NETO1: variants seen among roughly 807,000 people sequenced by gnomAD.
NETO1 encodes the protein neuropilin and tolloid like 1, also known as neuropilin and tolloid-like protein 1.
A neutral mutation model predicts 61.3 loss-of-function variants in NETO1; 26 were observed. The observed-to-expected ratio is 0.42, with a 90% CI of 0.31 to 0.59. The LOEUF (loss-of-function observed/expected upper bound fraction) is 0.59. Among genes scored for constraint, NETO1 ranks in the 20% least tolerant of loss-of-function variants. The probability of loss-of-function intolerance (pLI) is 0.12; values close to 1 mark genes in which losing one functional copy is unlikely to be tolerated. For synonymous variants in NETO1, 225 were observed against 225.8 expected (o/e 1.00, Z 0.03); for missense variants, 531 against 662.8 (o/e 0.80, Z 2.18).
chr18:72,809,262 A>G (rs2072782572), intron 4 of NETO1, among the ~76,000 whole-genome samples: 1 of 152,220 alleles, frequency 6.6e-6, no homozygotes, highest in Non-Finnish European at 1.5e-5. Context: ...AGCTTTTGTA[A>G]TGATATTATG....
intron 6 of NETO1, among the ~76,000 whole-genome samples, chr18:72,793,130 G>A (rs2072185338): frequency 1.3e-5 from 2 of 152,144 alleles, no homozygotes; most frequent in African/African-American, 4.8e-5. Flanking sequence ...CTGCTTTTTC[G>A]TGTAGCTGGC....
At position 72,747,169 on chromosome 18, in the gene NETO1, T is replaced by C. The variant is rs761690488; in HGVS notation, c.*1010A>G. 19 of 152,030 alleles carry C rather than the reference T, an allele frequency of 1.2e-4. No individual in the cohort carries two copies. Among genetic ancestry groups the C allele is most frequent in the African/African-American group, 2.2e-4 (9 of 41,444 alleles). 9.4% of individuals were successfully genotyped at this position (152,030 alleles called of 1,614,324 possible). ...AGAGTTGACATAAAATGTGTATTTA[T>C]GTGAGTCAGTTTTTTAATCACTCTA... is the stretch of plus-strand genomic sequence containing the variant. On this transcript the variant is annotated 3_prime_UTR_variant, in exon 11 of 11. Coordinates refer to ENST00000327305, the MANE Select transcript of NETO1 (RefSeq NM_138966.5).
At chr18:72,753,369 C>A (rs1341310726) in intron 8 of NETO1, among the ~76,000 whole-genome samples, 1 of 151,930 alleles carries the variant, frequency 6.6e-6, no homozygotes, top group Non-Finnish European at 1.5e-5. Flanking sequence ...GTGCTGCAAG[C>A]AAAAGCAATA....
At position 72,830,483 on chromosome 18, in the gene NETO1, A is replaced by C. The variant is rs951223240; in HGVS notation, c.469+28343T>G. ...CATCTAAACAAGGAGTCCAAAAAAC[A>C]AACACAAATGACAAAAATAACAATG... On this transcript the variant is annotated intron_variant, in intron 4 of 10. Coordinates refer to ENST00000327305, the MANE Select transcript of NETO1 (RefSeq NM_138966.5). This position sits in a 1 kb window ranked among gnomAD's most constrained non-coding sequence, Gnocchi z 4.9. Among the ~76,000 whole-genome samples, 6 of 152,180 alleles carry C rather than the reference A, an allele frequency of 3.9e-5. No homozygotes were observed. The highest frequency in any genetic ancestry group is 1.2e-4 in the African/African-American group (5 of 41,448).
chr18:72,774,645 C>T (rs2071484448), intron 7 of NETO1, among the ~76,000 whole-genome samples: 1 of 152,120 alleles, frequency 6.6e-6, no homozygotes, highest in Admixed American at 6.5e-5. Flanking sequence ...AAATATGTTT[C>T]TTGGTATTTG....
chr18:72,790,377 G>T (rs893385573), intron 6 of NETO1, among the ~76,000 whole-genome samples: 1 of 151,908 alleles, frequency 6.6e-6, no homozygotes, highest in East Asian at 1.9e-4. Context: ...TAAAAACCTT[G>T]ATCATTTCCT....
intron 4 of NETO1, among the ~76,000 whole-genome samples, chr18:72,831,299 A>G (rs1444305094): frequency 6.6e-6 from 1 of 152,234 alleles, no homozygotes; most frequent in Non-Finnish European, 1.5e-5. Flanking sequence ...AACTGAAGCC[A>G]CAACAATGAA....
At chr18:72,835,449 T>TA (rs2073714731) in intron 4 of NETO1, 3 of 554,212 alleles carry the variant, frequency 5.4e-6, no homozygotes, top group Non-Finnish European at 9.4e-6. Context: ...GAATACAAGT[T>TA]AAAACTCCTG....
chr18:72,814,043 C>T (rs2072952802), intron 4 of NETO1, among the ~76,000 whole-genome samples: 1 of 151,992 alleles, frequency 6.6e-6, no homozygotes, highest in African/African-American at 2.4e-5. Context: ...CAGACTTCAA[C>T]ATCCAAGAAT....
chr18:72,821,203 T>C (rs191966824), intron 4 of NETO1, among the ~76,000 whole-genome samples: 23 of 148,440 alleles, frequency 1.5e-4, no homozygotes, highest in Non-Finnish European at 3.4e-4. Flanking sequence ...AAGCAGTTTT[T>C]TCTTCTAAGC....
chr18:72,836,671 G>A (rs2073759840), intron 4 of NETO1, among the ~76,000 whole-genome samples: 1 of 152,168 alleles, frequency 6.6e-6, no homozygotes, highest in Admixed American at 6.5e-5. Context: ...TGGAGGACTT[G>A]TTTCAGAGGG....
intron 4 of NETO1, among the ~76,000 whole-genome samples, chr18:72,850,566 T>C (rs73966690): frequency 0.027 from 4,055 of 152,262 alleles, 136 homozygotes; most frequent in East Asian, 0.096. Flanking sequence ...TTAGGAAAAA[T>C]ATACAGGGCT....
intron 8 of NETO1, among the ~76,000 whole-genome samples, chr18:72,752,252 A>G (rs2070644232): frequency 6.6e-6 from 1 of 152,196 alleles, no homozygotes; most frequent in Non-Finnish European, 1.5e-5. Context: ...TTAATTGACT[A>G]GACTGTAGAA....
chr18:72,838,735 T>C (rs2073833653), intron 4 of NETO1, among the ~76,000 whole-genome samples: 1 of 152,206 alleles, frequency 6.6e-6, no homozygotes, highest in African/African-American at 2.4e-5. Context: ...GCTTCTACTC[T>C]AAGACTTTGT....
rs189037779 is a variant in NETO1, at chr18:72,850,144, G to A, written c.469+8682C>T. Among the ~76,000 whole-genome samples, 527 of 152,274 alleles carry A rather than the reference G, an allele frequency of 3.5e-3. 1 individual carries two copies. Among genetic ancestry groups the A allele is most frequent in the African/African-American group, 0.012 (487 of 41,530 alleles). On this transcript the variant is annotated intron_variant, in intron 4 of 10. Coordinates refer to ENST00000327305, the MANE Select transcript of NETO1 (RefSeq NM_138966.5). The stretch of plus-strand genomic sequence containing the variant: ...AAATTAGGACATAGACATCTTGTGG[G>A]GAGGGTATATTATCTGGCTACTATA...
chr18:72,826,839 G>T (rs1366003748), intron 4 of NETO1, among the ~76,000 whole-genome samples: 7 of 152,130 alleles, frequency 4.6e-5, no homozygotes, highest in Non-Finnish European at 8.8e-5. Context: ...GACGAACCCT[G>T]GGGAAGCCTC....
At chr18:72,863,937 T>A (rs1481305380) in intron 3 of NETO1, among the ~76,000 whole-genome samples, 1 of 152,120 alleles carries the variant, frequency 6.6e-6, no homozygotes. Context: ...AGAGAGGTGT[T>A]GGCCGGGAGC....
intron 7 of NETO1, among the ~76,000 whole-genome samples, chr18:72,771,195 G>T (rs2071341280): frequency 6.6e-6 from 1 of 152,156 alleles, no homozygotes; most frequent in African/African-American, 2.4e-5. Flanking sequence ...GCAGATGGCA[G>T]GCTATATCTT....
chr18:72,860,735 T>C (rs1450813263), intron 3 of NETO1, among the ~76,000 whole-genome samples: 2 of 143,250 alleles, frequency 1.4e-5, no homozygotes, highest in African/African-American at 2.6e-5. Context: ...CGTGGTTTTT[T>C]TTTTTCTTTT....
Sources: gnomAD v4.1 joint callset for allele counts (sites outside exome capture counted in the v4.1 genomes callset) on GRCh38, gnomAD v4.1.1 for gene constraint, Gnocchi (gnomAD v3.1) non-coding constraint, MANE v1.5 for transcripts, NCBI Gene and HGNC (gene_info 2026-07-23, HGNC 2026-07-21) for gene names.